CSMD1: variants seen among roughly 807,000 people sequenced by gnomAD.
The protein encoded by CSMD1 is CUB and sushi domain-containing protein 1.
CSMD1 carries 213 observed loss-of-function variants against 417.5 expected under a neutral mutation model. That is an observed-to-expected ratio of 0.51 (90% CI 0.46 to 0.57). The LOEUF (loss-of-function observed/expected upper bound fraction) is 0.57. CSMD1 is among the 20% of genes least tolerant of loss of function. The pLI, the probability that CSMD1 is intolerant of heterozygous loss-of-function variation, is 0.00. For synonymous variants in CSMD1, 2,862 were observed against 1,736.8 expected, an observed-to-expected ratio of 1.65 and a Z score of -16.11; for missense variants, 6,923 against 4,529.7, an observed-to-expected ratio of 1.53 and a Z score of -15.17.
intron 1 of CSMD1, among the ~76,000 whole-genome samples, chr8:4,680,586 T>C (rs1368796119): frequency 2.0e-5 from 3 of 151,744 alleles, no homozygotes; most frequent in African/African-American, 7.2e-5. Flanking sequence ...AGATAGTTTT[T>C]GTGTTTGTTT....
intron 1 of CSMD1, among the ~76,000 whole-genome samples, chr8:4,841,096 C>G (rs760034858): frequency 6.6e-6 from 1 of 152,182 alleles, no homozygotes; most frequent in Non-Finnish European, 1.5e-5. Context: ...TCTAAAGGAT[C>G]TTTGTCGACT....
intron 8 of CSMD1, among the ~76,000 whole-genome samples, chr8:3,615,100 G>A (rs950366612): frequency 1.3e-5 from 2 of 152,116 alleles, no homozygotes; most frequent in African/African-American, 2.4e-5. Context: ...TATGATACTG[G>A]AAACCAGCAT....
intron 2 of CSMD1, among the ~76,000 whole-genome samples, chr8:4,491,251 G>T (rs1023999266): frequency 1.2e-4 from 18 of 152,202 alleles, no homozygotes; most frequent in African/African-American, 4.3e-4. Flanking sequence ...AGAAAGAAAT[G>T]AATTTAGAGA....
intron 41 of CSMD1, among the ~76,000 whole-genome samples, chr8:3,122,644 G>C (rs894062417): frequency 3.3e-5 from 5 of 152,146 alleles, no homozygotes; most frequent in Non-Finnish European, 7.4e-5. Flanking sequence ...AGTCTCACGA[G>C]AGCTGATGCT....
intron 11 of CSMD1, among the ~76,000 whole-genome samples, chr8:3,483,041 A>T (rs1391146521): frequency 6.6e-6 from 1 of 152,168 alleles, no homozygotes; most frequent in African/African-American, 2.4e-5. Flanking sequence ...AATGAAAAAA[A>T]TTACTTAAGT....
chr8:3,285,474 C>T (rs370975308), intron 25 of CSMD1, among the ~76,000 whole-genome samples: 2 of 151,826 alleles, frequency 1.3e-5, no homozygotes, highest in East Asian at 3.9e-4. Context: ...GCAACCTCTA[C>T]TTCCTGGGTT....
intron 2 of CSMD1, among the ~76,000 whole-genome samples, chr8:4,550,382 T>C (rs1453567249): frequency 6.6e-6 from 1 of 151,100 alleles, no homozygotes; most frequent in African/African-American, 2.4e-5. Context: ...CTAGATGGCA[T>C]AGAAAGCTGA....
intron 23 of CSMD1, among the ~76,000 whole-genome samples, 154 bp from the exon 24 acceptor site, chr8:3,308,657 T>A (rs1010226138): frequency 6.6e-6 from 1 of 151,844 alleles, no homozygotes; most frequent in South Asian, 2.1e-4. Flanking sequence ...AAGATGGGTC[T>A]GTACTGGGGC....
chr8:4,428,141 A>G (rs13251521), intron 2 of CSMD1, among the ~76,000 whole-genome samples: 32,804 of 152,188 alleles, frequency 0.22, 4,491 homozygotes, highest in Non-Finnish European at 0.32. Context: ...TCTCCAAAGC[A>G]CCCACCACAT....
At chr8:4,032,135 T>A in intron 3 of CSMD1, 36 bp from the exon 4 acceptor site, 1 of 1,538,160 alleles carries the variant, frequency 6.5e-7, no homozygotes, top group Non-Finnish European at 8.9e-7. Flanking sequence ...AAAAAACAAG[T>A]TAAATTTTCC....
chr8:3,880,302 A>G (rs540577940), intron 5 of CSMD1, among the ~76,000 whole-genome samples: 1 of 152,094 alleles, frequency 6.6e-6, no homozygotes, highest in Non-Finnish European at 1.5e-5. Context: ...ATTAGATTAC[A>G]TTTTTCAAAA....
At chr8:3,228,180 A>G (rs1211597089) in intron 27 of CSMD1, among the ~76,000 whole-genome samples, 2 of 152,196 alleles carry the variant, frequency 1.3e-5, no homozygotes, top group East Asian at 3.8e-4. Context: ...CTCCTCTTTG[A>G]TTTAATTATA....
rs542912299 is a variant in CSMD1 at position 4,139,925 on chromosome 8, G to C, written c.416-107826C>G. Among the ~76,000 whole-genome samples the C allele has an allele frequency of 4.1e-4, 62 of 150,800 alleles. 1 individual carries two copies. In the South Asian group the frequency reaches 0.012, roughly 29 times the overall value. On this transcript the variant is annotated intron_variant, in intron 3 of 69. Transcript: ENST00000635120. ...GAGGACACCTCATCTTCAGAGGATG[G>C]ATAAAAGGAAGTGTGGATGGCAGCA...
rs553378784 is a variant in CSMD1 at position 4,885,075 on chromosome 8, T to A, written c.85+109257A>T. On this transcript the variant is annotated intron_variant, in intron 1 of 69. Transcript: ENST00000635120. ...TTGAACTTCTTTGTTAAAAGTATTATTGCATTCTTTTAGAAGCTACTGTAA... is the reference window on the plus strand; with the variant it reads ...TTGAACTTCTTTGTTAAAAGTATTAATGCATTCTTTTAGAAGCTACTGTAA... Among the ~76,000 whole-genome samples the A allele has an allele frequency of 3.9e-5, 6 of 152,244 alleles. No homozygotes were observed. The South Asian group carries it at 1.2e-3, about 32-fold the overall frequency.
At chr8:3,491,411 T>C (rs1001418172) in intron 11 of CSMD1, among the ~76,000 whole-genome samples, 3 of 152,206 alleles carry the variant, frequency 2.0e-5, no homozygotes, top group African/African-American at 7.2e-5. Context: ...ATTATGCATT[T>C]AACACAGTGC....
intron 5 of CSMD1, among the ~76,000 whole-genome samples, chr8:3,992,727 G>T (rs1814856572): frequency 6.6e-6 from 1 of 152,242 alleles, no homozygotes; most frequent in Admixed American, 6.5e-5. Flanking sequence ...GCTACAGTGA[G>T]CTATGACAGC....
intron 3 of CSMD1, among the ~76,000 whole-genome samples, chr8:4,111,282 A>G (rs1228853533): frequency 6.6e-6 from 1 of 152,188 alleles, no homozygotes; most frequent in Non-Finnish European, 1.5e-5. Flanking sequence ...TAGATCAGTG[A>G]AATCTTATGA....
At chr8:4,645,722 G>C (rs1585384498) in intron 1 of CSMD1, among the ~76,000 whole-genome samples, 2 of 152,118 alleles carry the variant, frequency 1.3e-5, no homozygotes, top group Non-Finnish European at 2.9e-5. Context: ...TTTAGCTAGA[G>C]GGCCTCCTAA....
At chr8:3,957,947 G>T (rs73658507) in intron 5 of CSMD1, among the ~76,000 whole-genome samples, 1 of 151,914 alleles carries the variant, frequency 6.6e-6, no homozygotes, top group Non-Finnish European at 1.5e-5. Context: ...AATCCTGCAG[G>T]GTATAAAATA....
Sources: gnomAD v4.1 joint callset for allele counts (sites outside exome capture counted in the v4.1 genomes callset) on GRCh38, gnomAD v4.1.1 for gene constraint, MANE v1.5 for transcripts, NCBI Gene and HGNC (gene_info 2026-07-23, HGNC 2026-07-21) for gene names.